Variants in DOP1B observed in about 807,000 individuals in gnomAD.
DOP1B encodes protein DOP1B.
A neutral mutation model predicts 233.5 loss-of-function variants in DOP1B; 174 were observed. That is an observed-to-expected ratio of 0.75 (90% CI 0.66 to 0.85). DOP1B has a LOEUF of 0.85. Among genes scored for constraint, DOP1B ranks in the 40% least tolerant of loss-of-function variants. The probability of loss-of-function intolerance (pLI) is 0.00; values close to 1 mark genes in which losing one functional copy is unlikely to be tolerated. For missense variants in DOP1B, 2,652 were observed against 2,846.6 expected (o/e 0.93, Z 1.56); for synonymous variants, 1,190 against 1,185.6 (o/e 1.00, Z -0.08).
chr21:36,160,665 A>G (rs8129612), intron 1 of DOP1B, among the ~76,000 whole-genome samples: 46,316 of 151,668 alleles, frequency 0.31, 7,580 homozygotes, highest in South Asian at 0.5. Flanking sequence ...TTTAGTAGTG[A>G]CGGGGTTTCG....
Position 36,286,751 on chromosome 21 carries a change from C to T in DOP1B, c.6161-1263C>T, listed in dbSNP as rs538447159. Among the ~76,000 whole-genome samples, 6 of 151,974 alleles carry T rather than the reference C, an allele frequency of 3.9e-5. No homozygotes were observed. In the East Asian group the frequency reaches 1.2e-3, roughly 29 times the overall value. ...CCAAGGCAGGTGGATCATCTGAGGT[C>T]AGGAGTTAAAAGATCAGCCTGGCCA... On this transcript the variant is annotated intron_variant, in intron 32 of 36. Coordinates refer to ENST00000691173, the MANE Select transcript of DOP1B (RefSeq NM_001320714.2).
At chr21:36,255,695 G>T (rs915615725) in intron 23 of DOP1B, among the ~76,000 whole-genome samples, 3 of 152,124 alleles carry the variant, frequency 2.0e-5, no homozygotes, top group African/African-American at 4.8e-5. Context: ...GCCTCCCAAA[G>T]TGCTGGGATT....
chr21:36,204,658 AT>A (rs56725433), intron 4 of DOP1B, among the ~76,000 whole-genome samples: 2,375 of 115,132 alleles, frequency 0.021, 97 homozygotes, highest in African/African-American at 0.071. Flanking sequence ...TGACATTTCT[AT>A]TTTTTTTTTT....
At chr21:36,268,719 G>T (rs889622279) in intron 26 of DOP1B, among the ~76,000 whole-genome samples, 1 of 152,220 alleles carries the variant, frequency 6.6e-6, no homozygotes, top group Non-Finnish European at 1.5e-5. Flanking sequence ...CACCAGGCTG[G>T]AGTGCAGTGG....
Position 36,263,585 on chromosome 21 carries a change from G to C in DOP1B, c.5355G>C (p.Leu1785=), listed in dbSNP as rs775878978. 1.2e-5 allele frequency: 19 copies of C among 1,614,060 alleles called. No individual in the cohort carries two copies. The East Asian group carries it at 4.0e-4, about 34-fold the overall frequency. ...VPALQENFSS[L]LGVLKESVQL... ...CCTTGCAAGAGAACTTTTCTTCACT[G>C]TTGGGAGTATTGAAAGAGTCTGTAC... The change falls in exon 25 of 37, where the codon CTG becomes CTC. Residue 1785 remains leucine, a synonymous_variant. Coordinates refer to ENST00000691173, the MANE Select transcript of DOP1B (RefSeq NM_001320714.2).
intron 11 of DOP1B, 68 bp downstream of exon 11, chr21:36,223,418 CT>C: frequency 1.3e-6 from 2 of 1,558,438 alleles, no homozygotes; most frequent in Non-Finnish European, 1.7e-6. Context: ...TTTGTAGCTG[CT>C]TAGAATATCA....
In DOP1B at chr21:36,237,382, A is replaced by G. The variant is rs771888566; in HGVS notation, c.2743A>G (p.Ile915Val). 9.9e-6 allele frequency: 16 copies of G among 1,614,030 alleles called. No individual in the cohort carries two copies. The highest frequency in any genetic ancestry group is 1.4e-5 in the Non-Finnish European group (16 of 1,180,036). ...CCCTACGGCCAACATCTGCGAGGAC[A>G]TCATCTGCCATGCCCTCCTGGACCC... ...LAPTANICED[I>V]ICHALLDPDK... The change falls in exon 16 of 37, where the codon ATC (isoleucine) becomes GTC (valine). Residue 915 changes from isoleucine to valine, a missense_variant. Coordinates refer to ENST00000691173, the MANE Select transcript of DOP1B (RefSeq NM_001320714.2).
chr21:36,233,173 CTG>C, intron 15 of DOP1B, 98 bp downstream of exon 15: 2 of 1,440,288 alleles, frequency 1.4e-6, no homozygotes, highest in Non-Finnish European at 1.9e-6. Context: ...GCCCACTTCT[CTG>C]AGAGTGATAT....
At chr21:36,188,557 G>C (rs1289046732) in intron 2 of DOP1B, among the ~76,000 whole-genome samples, 2 of 152,206 alleles carry the variant, frequency 1.3e-5, no homozygotes, top group African/African-American at 4.8e-5. Flanking sequence ...GTTTGAGCCT[G>C]TGTCACCTGG....
chr21:36,209,427 C>G (rs146595745), intron 5 of DOP1B, among the ~76,000 whole-genome samples: 3 of 152,340 alleles, frequency 2.0e-5, no homozygotes, highest in African/African-American at 7.2e-5. Flanking sequence ...TGTTCACACC[C>G]TCAGAGGTCC....
At chr21:36,173,909 T>C (rs779827216) in intron 2 of DOP1B, among the ~76,000 whole-genome samples, 1 of 152,090 alleles carries the variant, frequency 6.6e-6, no homozygotes, top group Non-Finnish European at 1.5e-5. Flanking sequence ...TGAACCAGTT[T>C]TTTTTGTTTT....
chr21:36,268,683 G>T (rs2067255355), intron 26 of DOP1B, among the ~76,000 whole-genome samples: 1 of 152,158 alleles, frequency 6.6e-6, no homozygotes, highest in Non-Finnish European at 1.5e-5. Flanking sequence ...TTTGTTCGGG[G>T]TCGCTGACTT....
At chr21:36,159,461 G>T (rs2065851039) in intron 1 of DOP1B, among the ~76,000 whole-genome samples, 1 of 152,052 alleles carries the variant, frequency 6.6e-6, no homozygotes, top group Admixed American at 6.6e-5. Context: ...CAAAAAAAAA[G>T]AAGAAAAACA....
chr21:36,260,790 G>A, intron 24 of DOP1B, 58 bp downstream of exon 24: 4 of 1,597,366 alleles, frequency 2.5e-6, no homozygotes, highest in Non-Finnish European at 3.4e-6. Flanking sequence ...ATTGCAGTGA[G>A]CATGCATAAT....
chr21:36,270,001 G>T lies in DOP1B; in HGVS notation c.5488-12G>T, dbSNP rs1187596378. 1.2e-6 allele frequency: 2 copies of T among 1,613,782 alleles called. No individual in the cohort carries two copies. The highest frequency in any genetic ancestry group is 1.7e-6 in the Non-Finnish European group (2 of 1,179,848). Reference sequence around the variant, plus strand: ...ATTAACTTCCTTTCCCCCTCCTCCTGATAATTCTCAGGAAATCACTCAGAA... The same window carrying T: ...ATTAACTTCCTTTCCCCCTCCTCCTTATAATTCTCAGGAAATCACTCAGAA... On this transcript the variant is annotated splice_polypyrimidine_tract_variant and intron_variant, in intron 26 of 36. Transcript: ENST00000691173.
intron 5 of DOP1B, among the ~76,000 whole-genome samples, chr21:36,210,720 G>A (rs543564846): frequency 2.6e-5 from 4 of 151,920 alleles, no homozygotes; most frequent in African/African-American, 7.2e-5. Context: ...TCTGAGACAC[G>A]AGAATCGCTT....
chr21:36,185,037 C>T (rs549816249), intron 2 of DOP1B, among the ~76,000 whole-genome samples: 3 of 152,096 alleles, frequency 2.0e-5, no homozygotes, highest in Non-Finnish European at 2.9e-5. Flanking sequence ...GACTGTGTCC[C>T]GAAGGCGTTC....
rs1418814444 is a variant in DOP1B at position 36,265,902 on chromosome 21, T to C, written c.5487+2088T>C. Among the ~76,000 whole-genome samples the C allele has an allele frequency of 2.6e-5, 4 of 152,214 alleles. No individual in the cohort carries two copies. The East Asian group carries it at 7.7e-4, about 29-fold the overall frequency. On this transcript the variant is annotated intron_variant, in intron 26 of 36. Coordinates refer to ENST00000691173, the MANE Select transcript of DOP1B (RefSeq NM_001320714.2). ...TGCTTCCCACCAGCAACCAAGCTAG[T>C]AGTTCTGCAGTGGACACTAGATAGG...
chr21:36,224,212 C>T (rs745366399), intron 11 of DOP1B, among the ~76,000 whole-genome samples: 5 of 151,928 alleles, frequency 3.3e-5, no homozygotes, highest in African/African-American at 7.3e-5. Flanking sequence ...TTCACTGGCA[C>T]GATCCCAGCT....
Sources: allele counts gnomAD v4.1 joint callset (sites outside exome capture counted in the v4.1 genomes callset), GRCh38; gene constraint gnomAD v4.1.1; transcripts MANE v1.5; gene names NCBI Gene and HGNC (gene_info 2026-07-23, HGNC 2026-07-21).